Variants in STRBP observed in about 807,000 individuals in gnomAD.
The protein encoded by STRBP is spermatid perinuclear RNA binding protein, also known as spermatid perinuclear RNA-binding protein.
A neutral mutation model predicts 80.1 loss-of-function variants in STRBP; 13 were observed. That is an observed-to-expected ratio of 0.16 (90% CI 0.11 to 0.26). The LOEUF is 0.26. Among genes scored for constraint, STRBP ranks in the 10% least tolerant of loss-of-function variants. STRBP has a pLI of 1.00. For missense variants in STRBP, 485 were observed against 815.2 expected (o/e 0.59, Z 4.93); for synonymous variants, 284 against 291.2 (o/e 0.98, Z 0.25).
chr9:123,141,873 G>A (rs1316442280), intron 13 of STRBP, among the ~76,000 whole-genome samples: 1 of 152,148 alleles, frequency 6.6e-6, no homozygotes, highest in Non-Finnish European at 1.5e-5. Flanking sequence ...CATATGCTAA[G>A]AAGTCAAAAA....
At chr9:123,216,369 G>A (rs565318713) in intron 2 of STRBP, among the ~76,000 whole-genome samples, 15 of 152,274 alleles carry the variant, frequency 9.9e-5, no homozygotes, top group Admixed American at 2.6e-4. Flanking sequence ...GTTGTCAAGC[G>A]AATAATCAAA....
chr9:123,172,011 A>C (rs1483860638), intron 5 of STRBP, among the ~76,000 whole-genome samples: 5 of 152,234 alleles, frequency 3.3e-5, no homozygotes, highest in Non-Finnish European at 7.3e-5. Context: ...TGTGATCTGC[A>C]CAGAGAAAGC....
At chr9:123,179,314 C>T in intron 3 of STRBP, 87 bp from the exon 4 acceptor site, 2 of 1,115,542 alleles carry the variant, frequency 1.8e-6, no homozygotes, top group East Asian at 2.5e-5. Context: ...TTAGCCAACC[C>T]ATAGCACTGA....
At chr9:123,158,233 T>C in intron 10 of STRBP, 99 bp downstream of exon 10, 1 of 1,486,622 alleles carries the variant, frequency 6.7e-7, no homozygotes, top group Non-Finnish European at 9.4e-7. Flanking sequence ...ACAGCAGAAG[T>C]CCCTAACAAC....
At chr9:123,177,903 T>C (rs1485641555) in intron 4 of STRBP, among the ~76,000 whole-genome samples, 1 of 152,188 alleles carries the variant, frequency 6.6e-6, no homozygotes, top group African/African-American at 2.4e-5. Context: ...GAGATACATA[T>C]AGAACTAAAT....
chr9:123,264,918 G>A (rs1346865700), intron 1 of STRBP, among the ~76,000 whole-genome samples: 1 of 152,122 alleles, frequency 6.6e-6, no homozygotes, highest in African/African-American at 2.4e-5. Flanking sequence ...GGAAACAATG[G>A]CTATGTTGGA....
intron 2 of STRBP, among the ~76,000 whole-genome samples, chr9:123,189,662 A>G (rs1439818249): frequency 3.3e-5 from 5 of 151,818 alleles, no homozygotes; most frequent in African/African-American, 1.2e-4. Context: ...ACTCTTGGAC[A>G]TAGGGCAGGG....
intron 11 of STRBP, among the ~76,000 whole-genome samples, chr9:123,149,268 C>A (rs1187050345): frequency 6.6e-6 from 1 of 152,172 alleles, no homozygotes; most frequent in East Asian, 1.9e-4. Context: ...GTTAATCAAT[C>A]TTGATGTTCT....
At chr9:123,251,442 G>A (rs1016821332) in intron 1 of STRBP, among the ~76,000 whole-genome samples, 1 of 152,152 alleles carries the variant, frequency 6.6e-6, no homozygotes, top group African/African-American at 2.4e-5. Context: ...GTGGAATCAG[G>A]ACTCAAAATC....
chr9:123,219,768 T>C (rs2040011939), intron 2 of STRBP, among the ~76,000 whole-genome samples: 2 of 152,256 alleles, frequency 1.3e-5, no homozygotes, highest in African/African-American at 4.8e-5. Context: ...TTTATTCTCA[T>C]CTGTACTAAC....
intron 6 of STRBP, among the ~76,000 whole-genome samples, chr9:123,167,267 A>G (rs1296562781): frequency 6.6e-6 from 1 of 152,178 alleles, no homozygotes; most frequent in African/African-American, 2.4e-5. Context: ...GTCTCCAAGA[A>G]AAAAGTTACA....
At chr9:123,241,499 A>G (rs996101641) in intron 1 of STRBP, among the ~76,000 whole-genome samples, 12 of 151,534 alleles carry the variant, frequency 7.9e-5, no homozygotes, top group Non-Finnish European at 1.3e-4. Context: ...ACAGAGCAAG[A>G]CCTTGTCAAC....
chr9:123,174,753 G>A (rs1404203610), intron 4 of STRBP, among the ~76,000 whole-genome samples: 1 of 152,174 alleles, frequency 6.6e-6, no homozygotes, highest in Non-Finnish European at 1.5e-5. Context: ...CCAAATCCAG[G>A]AGTAGCTAAA....
intron 2 of STRBP, among the ~76,000 whole-genome samples, chr9:123,189,981 C>T (rs1588072374): frequency 6.6e-6 from 1 of 151,986 alleles, no homozygotes; most frequent in Admixed American, 6.6e-5. Flanking sequence ...GATGAATCAA[C>T]TCAGAACACA....
chr9:123,164,600 A>G (rs1332340877), intron 6 of STRBP, among the ~76,000 whole-genome samples: 2 of 152,114 alleles, frequency 1.3e-5, no homozygotes, highest in Non-Finnish European at 2.9e-5. Context: ...GGGGCTGGCA[A>G]AAAAACAAAA....
At chr9:123,160,655 A>C (rs1475997208) in intron 7 of STRBP, among the ~76,000 whole-genome samples, 193 bp from the exon 8 acceptor site, 1 of 152,190 alleles carries the variant, frequency 6.6e-6, no homozygotes, top group Non-Finnish European at 1.5e-5. Context: ...ATAATATTAA[A>C]ATTAATTTCG....
At chr9:123,176,719 A>G (rs1271861125) in intron 4 of STRBP, among the ~76,000 whole-genome samples, 1 of 152,252 alleles carries the variant, frequency 6.6e-6, no homozygotes, top group Non-Finnish European at 1.5e-5. Flanking sequence ...GGTAGAAGAC[A>G]GCATGATTGA....
In STRBP at chr9:123,125,653, G is replaced by C. The variant is rs766445048; in HGVS notation, c.1963C>G (p.Leu655Val). 6.2e-7 allele frequency: 1 copy of C among 1,613,336 alleles called. No individual in the cohort carries two copies. The part of the protein sequence containing the change: ...PAYGLPKRMV[L>V]LPVMKFPTYP... ...GTTGGAAATTTCATAACGGGTAACA[G>C]AACCATTCTCTTGGGTAAACCTACA... Residue 655 changes from leucine (L) to valine (V), a missense_variant, in exon 19 of 19, where the codon CTG becomes GTG. By Grantham distance (32) the Leu-to-Val change is conservative. Transcript: ENST00000348403.
chr9:123,220,494 C>T (rs754129102), intron 2 of STRBP, among the ~76,000 whole-genome samples: 2 of 152,220 alleles, frequency 1.3e-5, no homozygotes, highest in African/African-American at 4.8e-5. Context: ...TACAAGCAGT[C>T]TGTCATTGAA....
Sources: allele counts gnomAD v4.1 joint callset (sites outside exome capture counted in the v4.1 genomes callset), GRCh38; gene constraint gnomAD v4.1.1; transcripts MANE v1.5; gene names NCBI Gene and HGNC (gene_info 2026-07-23, HGNC 2026-07-21).